Variants in ARHGAP10 observed in about 807,000 individuals in gnomAD.
ARHGAP10 encodes the protein Rho GTPase activating protein 10.
ARHGAP10 carries 87 observed loss-of-function variants against 108.6 expected under a neutral mutation model. That is an observed-to-expected ratio of 0.80 (90% CI 0.67 to 0.96). ARHGAP10 has a LOEUF of 0.96. Among genes scored for constraint, ARHGAP10 ranks in the 40% least tolerant of loss-of-function variants. The probability of loss-of-function intolerance (pLI) is 0.00; values close to 1 mark genes in which losing one functional copy is unlikely to be tolerated. For synonymous variants in ARHGAP10, 347 were observed against 341.1 expected (o/e 1.02, Z -0.19); for missense variants, 939 against 954.5 (o/e 0.98, Z 0.21).
chr4:147,804,032 G>A (rs1731683642), intron 1 of ARHGAP10, among the ~76,000 whole-genome samples: 1 of 147,778 alleles, frequency 6.8e-6, no homozygotes, highest in East Asian at 2.0e-4. Context: ...AGGGGTACAT[G>A]TGCAGGTTTG....
At chr4:147,987,400 T>C (rs560297716) in intron 18 of ARHGAP10, among the ~76,000 whole-genome samples, 1 of 152,240 alleles carries the variant, frequency 6.6e-6, no homozygotes, top group Admixed American at 6.5e-5. Flanking sequence ...TTCTAGACTC[T>C]GAACGCATAG....
chr4:147,857,434 A>G (rs768758672), intron 4 of ARHGAP10, 119 bp from the exon 5 acceptor site: 44 of 990,380 alleles, frequency 4.4e-5, no homozygotes, highest in Non-Finnish European at 5.4e-5. Context: ...TAGCTTTATC[A>G]CATTCAGAGT....
At chr4:147,752,745 TCAAA>T (rs1729209354) in intron 1 of ARHGAP10, among the ~76,000 whole-genome samples, 2 of 152,200 alleles carry the variant, frequency 1.3e-5, no homozygotes, top group Admixed American at 6.5e-5. Context: ...CAGGCTGGTC[TCAAA>T]TTCCTGACCT....
intron 1 of ARHGAP10, among the ~76,000 whole-genome samples, chr4:147,802,557 C>G (rs150952658): frequency 2.6e-5 from 4 of 152,314 alleles, no homozygotes; most frequent in Non-Finnish European, 5.9e-5. Context: ...CAGAGTGTCT[C>G]TACAATATAA....
At chr4:147,796,103 C>T (rs1049607566) in intron 1 of ARHGAP10, among the ~76,000 whole-genome samples, 2 of 151,978 alleles carry the variant, frequency 1.3e-5, no homozygotes, top group Non-Finnish European at 2.9e-5. Flanking sequence ...TTTATAATTT[C>T]CCCCCCTTCT....
chr4:147,817,289 G>C (rs143792959), intron 1 of ARHGAP10, among the ~76,000 whole-genome samples: 2,791 of 152,212 alleles, frequency 0.018, 35 homozygotes, highest in Non-Finnish European at 0.025. Context: ...GTAACTTAAG[G>C]GGTTATCCTG....
At chr4:148,037,869 A>G (rs566147137) in intron 19 of ARHGAP10, among the ~76,000 whole-genome samples, 20 of 151,704 alleles carry the variant, frequency 1.3e-4, no homozygotes, top group Non-Finnish European at 2.2e-4. Context: ...GATGTCAGCT[A>G]TATCCTTTGA....
chr4:147,915,897 A>G (rs956099544), intron 13 of ARHGAP10, among the ~76,000 whole-genome samples: 3 of 152,168 alleles, frequency 2.0e-5, no homozygotes, highest in Non-Finnish European at 2.9e-5. Flanking sequence ...TGAGCCCAAG[A>G]GTTCAAGACC....
intron 14 of ARHGAP10, among the ~76,000 whole-genome samples, chr4:147,940,237 T>C (rs1166795481): frequency 6.6e-6 from 1 of 152,142 alleles, no homozygotes; most frequent in Non-Finnish European, 1.5e-5. Context: ...GTACATTTGG[T>C]TGGACAAGAC....
intron 19 of ARHGAP10, among the ~76,000 whole-genome samples, chr4:148,045,167 A>G (rs907477286): frequency 6.6e-6 from 1 of 152,102 alleles, no homozygotes; most frequent in Non-Finnish European, 1.5e-5. Flanking sequence ...CCTCTTCTTA[A>G]CAGAATGTTC....
chr4:147,852,243 T>C (rs1733901439), intron 4 of ARHGAP10, among the ~76,000 whole-genome samples: 1 of 152,222 alleles, frequency 6.6e-6, no homozygotes, highest in South Asian at 2.1e-4. Flanking sequence ...CAAATAGTGC[T>C]AAGGCACTGG....
chr4:147,986,894 G>A (rs1740064435), intron 18 of ARHGAP10, among the ~76,000 whole-genome samples: 1 of 152,142 alleles, frequency 6.6e-6, no homozygotes, highest in African/African-American at 2.4e-5. Flanking sequence ...CCTGGCTTTG[G>A]AGGTGGATTC....
intron 13 of ARHGAP10, among the ~76,000 whole-genome samples, chr4:147,924,213 T>C (rs1737360651): frequency 6.6e-6 from 1 of 152,216 alleles, no homozygotes; most frequent in South Asian, 2.1e-4. Context: ...ATGGTCACAT[T>C]AAATTAATAG....
chr4:148,031,519 T>A (rs1048883584), intron 19 of ARHGAP10, among the ~76,000 whole-genome samples: 4 of 152,226 alleles, frequency 2.6e-5, no homozygotes, highest in Non-Finnish European at 5.9e-5. Context: ...GTCTGGGTTC[T>A]TAATCACTCT....
intron 1 of ARHGAP10, among the ~76,000 whole-genome samples, chr4:147,751,945 G>T (rs893241881): frequency 4.0e-5 from 6 of 150,260 alleles, no homozygotes; most frequent in Non-Finnish European, 7.4e-5. Flanking sequence ...GAGTGCAGTG[G>T]CATGATCTCG....
At chr4:148,010,017 A>G (rs988199677) in intron 18 of ARHGAP10, among the ~76,000 whole-genome samples, 2 of 152,168 alleles carry the variant, frequency 1.3e-5, no homozygotes, top group African/African-American at 4.8e-5. Context: ...TAAATTTCCT[A>G]TAGTTAACTA....
intron 18 of ARHGAP10, among the ~76,000 whole-genome samples, chr4:148,014,807 T>C (rs1454382787): frequency 6.6e-6 from 1 of 152,234 alleles, no homozygotes; most frequent in African/African-American, 2.4e-5. Flanking sequence ...ATCAATATGG[T>C]ATGTCCCACT....
chr4:147,984,900 G>A (rs1739971688), intron 18 of ARHGAP10, among the ~76,000 whole-genome samples: 1 of 152,236 alleles, frequency 6.6e-6, no homozygotes, highest in African/African-American at 2.4e-5. Flanking sequence ...AGGGCTTCAA[G>A]ATGGGCAGGC....
At chr4:147,890,011 A>C (rs763901759) in intron 10 of ARHGAP10, among the ~76,000 whole-genome samples, 40 of 152,348 alleles carry the variant, frequency 2.6e-4, no homozygotes, top group South Asian at 2.1e-4. Flanking sequence ...CTGAGGCACG[A>C]GACAGCATAT....
Sources: allele counts gnomAD v4.1 joint callset (sites outside exome capture counted in the v4.1 genomes callset), GRCh38; gene constraint gnomAD v4.1.1; transcripts MANE v1.5; gene names NCBI Gene and HGNC (gene_info 2026-07-23, HGNC 2026-07-21).